The following KCNC3 variants were observed in gnomAD, a reference collection of about 807,000 sequenced individuals.
KCNC3 encodes potassium voltage-gated channel subfamily C member 3.
A neutral mutation model predicts 43.9 loss-of-function variants in KCNC3; 22 were observed. The observed-to-expected ratio is 0.50, with a 90% CI of 0.36 to 0.72. The LOEUF (loss-of-function observed/expected upper bound fraction) is 0.72, where lower values mean the gene tolerates loss of function less well. Among genes scored for constraint, KCNC3 ranks in the 30% least tolerant of loss-of-function variants. KCNC3 has a pLI of 0.00. For synonymous variants in KCNC3, 492 were observed against 488.0 expected (o/e 1.01, Z -0.11); for missense variants, 829 against 1,073.8 (o/e 0.77, Z 3.19).
Position 50,324,221 on chromosome 19 carries a change from C to T in KCNC3, c.871-139G>A. On this transcript the variant is annotated intron_variant, in intron 1 of 4. Coordinates refer to ENST00000477616, the MANE Select transcript of KCNC3 (RefSeq NM_004977.3). The surrounding 1 kb of genome is among the most constrained non-coding windows in gnomAD (Gnocchi z 4.1). ...TGGGCAAAATCCAGGTGTCTCAGCC[C>T]TGTGGCTCCATCACTTCCAGAATCC... is the stretch of plus-strand genomic sequence containing the variant. The T allele has an allele frequency of 1.3e-6, 1 of 740,884 alleles. No homozygotes were observed. Among genetic ancestry groups the T allele is most frequent in the Non-Finnish European group, 2.1e-6 (1 of 465,924 alleles). The allele number at this position is 740,884 out of a possible 1,614,324, so 45.9% of individuals were successfully genotyped here. A position where few individuals can be genotyped will look rare whatever the true frequency, so the allele number is the denominator to read the frequency against.
chr19:50,330,786 T>C (rs1412316192), upstream of KCNC3, among the ~76,000 whole-genome samples: 1 of 147,488 alleles, frequency 6.8e-6, no homozygotes, highest in Non-Finnish European at 1.5e-5. Context: ...AAGAATGGAG[T>C]GAGGGGCGGG....
At chr19:50,333,352 C>G (rs2037208948), upstream of KCNC3, 1 of 153,320 alleles carries the variant, frequency 6.5e-6, no homozygotes, top group Non-Finnish European at 1.5e-5. Flanking sequence ...GCTTCAAGCT[C>G]CGCCTTTATG....
intron 4 of KCNC3, among the ~76,000 whole-genome samples, chr19:50,319,677 A>G (rs1256578935): frequency 1.3e-5 from 2 of 152,028 alleles, no homozygotes; most frequent in East Asian, 1.9e-4. Context: ...TTTAGCATAC[A>G]TCGCCTCAAA....
At chr19:50,319,642 C>T (rs1249548306) in intron 4 of KCNC3, among the ~76,000 whole-genome samples, 1 of 152,164 alleles carries the variant, frequency 6.6e-6, no homozygotes, top group Admixed American at 6.5e-5. Flanking sequence ...TCTAGTGTTC[C>T]TCTCACTGTC....
At chr19:50,330,791 G>A (rs1403322582), upstream of KCNC3, among the ~76,000 whole-genome samples, 1 of 152,150 alleles carries the variant, frequency 6.6e-6, no homozygotes, top group Non-Finnish European at 1.5e-5. Flanking sequence ...TGGAGTGAGG[G>A]GCGGGGCCAG....
chr19:50,330,971 G>A (rs925009151), upstream of KCNC3, among the ~76,000 whole-genome samples: 3 of 152,070 alleles, frequency 2.0e-5, no homozygotes, highest in African/African-American at 7.2e-5. Flanking sequence ...AGGGGGCTGC[G>A]GGCGCCCTCG....
At chr19:50,326,923 G>GC (rs913089198) in intron 1 of KCNC3, among the ~76,000 whole-genome samples, 12 of 50,524 alleles carry the variant, frequency 2.4e-4, no homozygotes, top group Admixed American at 1.1e-3. Context: ...TTTGCACGGC[G>GC]GGGGGGGAGG....
chr19:50,330,866 A>G (rs562657625), upstream of KCNC3, among the ~76,000 whole-genome samples: 27 of 151,774 alleles, frequency 1.8e-4, no homozygotes, highest in African/African-American at 5.8e-4. Context: ...TCCGAGAGGC[A>G]GAGCGCAGGC....
At chr19:50,321,744 T>C (rs554274181) in intron 2 of KCNC3, among the ~76,000 whole-genome samples, 76 of 151,482 alleles carry the variant, frequency 5.0e-4, no homozygotes, top group African/African-American at 1.8e-3. Flanking sequence ...CACTCCGGCC[T>C]GGGAGACAGA....
rs374203751 is a variant in KCNC3, at chr19:50,325,588, C to T, written c.871-1506G>A. 4.2e-3 allele frequency among the ~76,000 whole-genome samples: 643 copies of T among 152,252 alleles called. 8 individuals are homozygous for T. Among genetic ancestry groups the T allele is most frequent in the African/African-American group, 0.015 (606 of 41,544 alleles). ...CCGGCGCAGGTCCTCTCTGAACTCCCCCCCCACCCCCACCTTCGCTTCTCT... is the reference window on the plus strand; with the variant it reads ...CCGGCGCAGGTCCTCTCTGAACTCCTCCCCCACCCCCACCTTCGCTTCTCT... On this transcript the variant is annotated intron_variant, in intron 1 of 4. Transcript: ENST00000477616.
upstream of KCNC3, among the ~76,000 whole-genome samples, chr19:50,331,569 C>T (rs2037189729): frequency 8.6e-6 from 1 of 116,540 alleles, no homozygotes; most frequent in Non-Finnish European, 1.7e-5. Flanking sequence ...GGTGTATTTC[C>T]CCCTCCTTCT....
chr19:50,323,179 C>T lies in KCNC3; in HGVS notation c.1774G>A (p.Gly592Arg), dbSNP rs568711737. 1.2e-4 allele frequency: 179 copies of T among 1,510,748 alleles called. No homozygotes were observed. Among genetic ancestry groups the T allele is most frequent in the South Asian group, 1.8e-4 (15 of 83,364 alleles). 93.6% of individuals were successfully genotyped at this position (1,510,748 alleles called of 1,614,324 possible). ...PPPPHPHHGS[G>R]GISPPPPITP... ...ATGGGTGGCGGCGGGCTGATGCCCC[C>T]GCTGCCGTGGTGCGGGTGGGGCGGG... The change falls in exon 2 of 5, where the codon GGG (glycine) becomes AGG (arginine). Residue 592 changes from glycine to arginine, a missense_variant. Transcript: ENST00000477616.
chr19:50,314,679 C>G lies in KCNC3; in HGVS notation c.*1436G>C. 2.6e-6 allele frequency: 1 copy of G among 388,110 alleles called. No individual in the cohort carries two copies. The highest frequency in any genetic ancestry group is 5.0e-6 in the Non-Finnish European group (1 of 200,038). The allele number at this position is 388,110 out of a possible 1,614,324, so 24.0% of individuals were successfully genotyped here. ...GTGGCCCCTCTCTCCATCCTGGGGGCCCAGGTTGGGGGTGAGGGGCCCGGG... is the reference window on the plus strand; with the variant it reads ...GTGGCCCCTCTCTCCATCCTGGGGGGCCAGGTTGGGGGTGAGGGGCCCGGG... On this transcript the variant is annotated 3_prime_UTR_variant, in exon 5 of 5. Coordinates refer to ENST00000477616, the MANE Select transcript of KCNC3 (RefSeq NM_004977.3).
chr19:50,328,071 G>A (rs2037127897), intron 1 of KCNC3, 142 bp downstream of exon 1: 2 of 423,164 alleles, frequency 4.7e-6, no homozygotes, highest in South Asian at 2.2e-4. Context: ...GAGCCCAGGA[G>A]ACTCAGGATT....
In KCNC3 at chr19:50,328,503, C is replaced by A; in HGVS notation, c.580G>T (p.Asp194Tyr). The part of the protein sequence containing the change: ...CCWMTYRQHR[D>Y]AEEALDSFEA... Reference sequence around the variant, plus strand: ...AAGGAGTCGAGCGCCTCCTCAGCGTCGCGATGCTGCCGGTAGGTCATCCAG... The same window carrying A: ...AAGGAGTCGAGCGCCTCCTCAGCGTAGCGATGCTGCCGGTAGGTCATCCAG... The change falls in exon 1 of 5, where the codon GAC becomes TAC. Residue 194 changes from aspartate to tyrosine, a missense_variant. This residue lies in a region of KCNC3 where 121 missense variants were observed against 247.4 expected (regional missense o/e 0.49). Transcript: ENST00000477616. 1 of 1,610,244 alleles carries A rather than the reference C, an allele frequency of 6.2e-7. No individual in the cohort carries two copies. The highest frequency in any genetic ancestry group is 8.5e-7 in the Non-Finnish European group (1 of 1,179,352).
In KCNC3 at chr19:50,312,541, C is replaced by T. The variant is rs1024591950; in HGVS notation, c.*3574G>A. ...ACTTGGAAAGAGTCCCTTTAGCTCG[C>T]TCTCTCCCTCCCCGAATCCCACACT... On this transcript the variant is annotated 3_prime_UTR_variant, in exon 5 of 5. Transcript: ENST00000477616. 2.6e-5 allele frequency: 4 copies of T among 152,196 alleles called. No homozygotes were observed. The highest frequency in any genetic ancestry group is 6.5e-5 in the Admixed American group (1 of 15,280). The allele number at this position is 152,196 out of a possible 1,614,324, so 9.4% of individuals were successfully genotyped here.
chr19:50,320,350 CTGGGGG>C lies in KCNC3; in HGVS notation c.2171-7_2171-2del. On this transcript the variant is annotated splice_acceptor_variant and splice_polypyrimidine_tract_variant and intron_variant, in intron 3 of 4. Transcript: ENST00000477616. LOFTEE classifies it high-confidence loss of function. ...GGGGGCAGTGGGGGAGCACCAGTGG[CTGGGGG>C]TGGGGGAAGAGGCCAGAGAGTTGGG... The C allele has an allele frequency of 5.6e-6, 2 of 357,748 alleles. No homozygotes were observed. Among genetic ancestry groups the C allele is most frequent in the Non-Finnish European group, 9.6e-6 (2 of 209,120 alleles). 22.2% of individuals were successfully genotyped at this position (357,748 alleles called of 1,614,324 possible). A position where few individuals can be genotyped will look rare whatever the true frequency, so the allele number is the denominator to read the frequency against.
chr19:50,315,943 G>A lies in KCNC3; in HGVS notation c.*172C>T, dbSNP rs1026565605. 2.0e-5 allele frequency: 7 copies of A among 357,170 alleles called. No individual in the cohort carries two copies. Among genetic ancestry groups the A allele is most frequent in the Non-Finnish European group, 3.2e-5 (6 of 188,494 alleles). 22.1% of individuals were successfully genotyped at this position (357,170 alleles called of 1,614,324 possible). A position where few individuals can be genotyped will look rare whatever the true frequency, so the allele number is the denominator to read the frequency against. ...GCTAAGGGAGCTGTCTGGACAAAAG[G>A]TGTCTTGATCGTAGGAGGGAGGGCT... On this transcript the variant is annotated 3_prime_UTR_variant, in exon 5 of 5. Coordinates refer to ENST00000477616, the MANE Select transcript of KCNC3 (RefSeq NM_004977.3).
chr19:50,320,879 G>T, intron 2 of KCNC3, 95 bp from the exon 3 acceptor site: 1 of 1,237,506 alleles, frequency 8.1e-7, no homozygotes. Flanking sequence ...GCAGATGCTG[G>T]GATGGTCGGC....
Sources: gnomAD v4.1 joint callset for allele counts (sites outside exome capture counted in the v4.1 genomes callset) on GRCh38, gnomAD v4.1.1 for gene constraint, gnomAD v4.1.1 regional missense constraint, Gnocchi (gnomAD v3.1) non-coding constraint, MANE v1.5 for transcripts, NCBI Gene and HGNC (gene_info 2026-07-23, HGNC 2026-07-21) for gene names.